MACF1: variants seen among roughly 807,000 people sequenced by gnomAD.
MACF1 encodes microtubule-actin cross-linking factor 1.
Under a neutral mutation model 854.8 loss-of-function variants are expected in MACF1, and 193 were observed. The ratio of observed to expected loss-of-function variants is 0.23; its 90% confidence interval spans 0.20 to 0.25. MACF1 has a LOEUF of 0.25. Among genes scored for constraint, MACF1 ranks in the 10% least tolerant of loss-of-function variants. The probability of loss-of-function intolerance (pLI) is 1.00; values close to 1 mark genes in which losing one functional copy is unlikely to be tolerated. For synonymous variants in MACF1, 3,185 were observed against 3,226.7 expected, an observed-to-expected ratio of 0.99 and a Z score of 0.44; for missense variants, 7,722 against 8,929.1, an observed-to-expected ratio of 0.86 and a Z score of 5.45.
chr1:39,442,156 G>A lies in MACF1; in HGVS notation c.18784G>A (p.Val6262Ile). The A allele has an allele frequency of 6.3e-7, 1 of 1,591,134 alleles. No homozygotes were observed. The highest frequency in any genetic ancestry group is 8.5e-7 in the Non-Finnish European group (1 of 1,171,694). Residue 6262 changes from valine (V) to isoleucine (I), a missense_variant, in exon 76 of 101, where the codon GTA (valine) becomes ATA (isoleucine). By Grantham distance (29) the Val-to-Ile change is conservative. Around this residue, in one of 15 missense-constraint regions of MACF1, gnomAD observed 2,807 missense variants for 3,235.8 expected, o/e 0.87. Transcript: ENST00000564288. Reference protein sequence around the residue: ...DQLNEMKEFKVEVYQQQIEME... With the variant: ...DQLNEMKEFKIEVYQQQIEME... ...AGTGTGTCTTTGACAGGAGTTCAAA[G>A]TAGAAGTTTACCAACAGCAAATTGA...
At chr1:39,393,190 A>ATATAT (rs1427429683) in intron 58 of MACF1, among the ~76,000 whole-genome samples, 17 of 86,658 alleles carry the variant, frequency 2.0e-4, no homozygotes, top group African/African-American at 1.0e-3. Context: ...GTAAAAAAAA[A>ATATAT]AAAAAAATAT....
chr1:39,331,039 T>A, intron 36 of MACF1, 164 bp from the exon 37 acceptor site: 1 of 992,284 alleles, frequency 1.0e-6, no homozygotes, highest in Non-Finnish European at 1.4e-6. Context: ...GACCTCATGA[T>A]TTGCCTGCCT....
At chr1:39,447,299 C>A in intron 80 of MACF1, 133 bp from the exon 81 acceptor site, 1 of 783,332 alleles carries the variant, frequency 1.3e-6, no homozygotes, top group Non-Finnish European at 2.1e-6. Context: ...CATGTTTGGA[C>A]GTTGATTAAA....
chr1:39,331,936 G>C lies in MACF1; in HGVS notation c.5348G>C (p.Arg1783Thr). The C allele has an allele frequency of 5.6e-6, 9 of 1,614,148 alleles. No individual in the cohort carries two copies. Among genetic ancestry groups the C allele is most frequent in the Non-Finnish European group, 7.6e-6 (9 of 1,180,022 alleles). The change falls in exon 37 of 101, where the codon AGA becomes ACA. Residue 1783 changes from arginine to threonine, a missense_variant. By Grantham distance (71) the Arg-to-Thr change is moderately conservative. This residue lies in a region of MACF1 where 1,531 missense variants were observed against 1,601.6 expected (regional missense o/e 0.96). Transcript: ENST00000564288. ...ATAGTAGATCCAAGAACAGGACACAGACTTACAGTGGAAGAGGCTGTAAGA... is the reference window on the plus strand; with the variant it reads ...ATAGTAGATCCAAGAACAGGACACACACTTACAGTGGAAGAGGCTGTAAGA... ...GGIVDPRTGH[R>T]LTVEEAVRHN...
chr1:39,367,669 C>G (rs1648846356), intron 49 of MACF1, among the ~76,000 whole-genome samples: 1 of 152,146 alleles, frequency 6.6e-6, no homozygotes, highest in Admixed American at 6.6e-5. Context: ...AACTTTCATT[C>G]TTTACGTCCT....
chr1:39,226,650 A>G (rs997048151), intron 1 of MACF1, among the ~76,000 whole-genome samples: 3 of 152,020 alleles, frequency 2.0e-5, no homozygotes, highest in Non-Finnish European at 4.4e-5. Flanking sequence ...ATGGATAGTA[A>G]AATTAAAAAG....
intron 1 of MACF1, among the ~76,000 whole-genome samples, chr1:39,218,610 C>G (rs1644607633): frequency 6.6e-6 from 1 of 152,144 alleles, no homozygotes; most frequent in Non-Finnish European, 1.5e-5. Flanking sequence ...TTTTCTTCCT[C>G]TTGTGTTCTT....
intron 17 of MACF1, among the ~76,000 whole-genome samples, chr1:39,293,122 A>G (rs543502087): frequency 5.3e-5 from 8 of 152,218 alleles, no homozygotes; most frequent in Non-Finnish European, 1.2e-4. Flanking sequence ...TGAGACACCA[A>G]AACTAAAAGT....
At chr1:39,346,571 G>A (rs150690098) in intron 40 of MACF1, among the ~76,000 whole-genome samples, 2,599 of 149,692 alleles carry the variant, frequency 0.017, 73 homozygotes, top group African/African-American at 0.058. Flanking sequence ...CCAGGCTGGA[G>A]TGCAGTAGTG....
chr1:39,260,367 C>CTT (rs772459109), intron 6 of MACF1: 4 of 139,890 alleles, frequency 2.9e-5, no homozygotes, highest in East Asian at 2.0e-4. Flanking sequence ...TTTTTCTTTT[C>CTT]TTTTTTTTTT....
chr1:39,432,123 TC>T (rs1174513357), intron 66 of MACF1, among the ~76,000 whole-genome samples: 1 of 152,204 alleles, frequency 6.6e-6, no homozygotes, highest in African/African-American at 2.4e-5. Context: ...AGCGGGCACT[TC>T]CGAGTTAACT....
intron 84 of MACF1, among the ~76,000 whole-genome samples, chr1:39,449,697 A>ATTTTTTTT (rs4012670): frequency 2.3e-5 from 3 of 129,778 alleles, no homozygotes; most frequent in Non-Finnish European, 3.2e-5. Context: ...CGCGCCTGGC[A>ATTTTTTTT]TTTTTTTTTT....
chr1:39,221,691 T>TA (rs1644653769), intron 1 of MACF1, among the ~76,000 whole-genome samples: 1 of 152,252 alleles, frequency 6.6e-6, no homozygotes, highest in Admixed American at 6.5e-5. Context: ...AAGGCTATTG[T>TA]TTCTACCTCT....
At chr1:39,198,912 A>G (rs1007276230) in intron 2 of MACF1, among the ~76,000 whole-genome samples, 5 of 152,188 alleles carry the variant, frequency 3.3e-5, no homozygotes, top group Admixed American at 2.6e-4. Context: ...GAACTATTAT[A>G]TAAATAAGTC....
At position 39,333,519 on chromosome 1, in the gene MACF1, G is replaced by T; in HGVS notation, c.6931G>T (p.Ala2311Ser). The part of the protein sequence containing the change: ...QTGQKLLLNE[A>S]ISRGIVPSHT... Reference sequence around the variant, plus strand: ...AGGTCAAAAGCTCTTACTAAATGAAGCAATATCCCGAGGCATTGTGCCAAG... The same window carrying T: ...AGGTCAAAAGCTCTTACTAAATGAATCAATATCCCGAGGCATTGTGCCAAG... Residue 2311 changes from alanine (A) to serine (S), a missense_variant, in exon 37 of 101, where the codon GCA becomes TCA. Physicochemically the swap from Ala to Ser is moderately conservative, Grantham distance 99 (BLOSUM62 1). This residue lies in a region of MACF1 where 1,531 missense variants were observed against 1,601.6 expected (regional missense o/e 0.96). Transcript: ENST00000564288. 1 of 1,614,166 alleles carries T rather than the reference G, an allele frequency of 6.2e-7. No individual in the cohort carries two copies. Among genetic ancestry groups the T allele is most frequent in the Non-Finnish European group, 8.5e-7 (1 of 1,180,012 alleles).
intron 2 of MACF1, among the ~76,000 whole-genome samples, chr1:39,187,381 C>T (rs762584326): frequency 1.3e-5 from 2 of 152,266 alleles, no homozygotes; most frequent in Middle Eastern, 3.4e-3. Flanking sequence ...GAGACATCCC[C>T]CAGGAGCTTT....
intron 2 of MACF1, among the ~76,000 whole-genome samples, chr1:39,114,435 A>ATTTT (rs1201203140): frequency 6.6e-6 from 1 of 152,126 alleles, no homozygotes; most frequent in African/African-American, 2.4e-5. Context: ...AAGTCCCTAG[A>ATTTT]TTAAAAGAGC....
rs138450442 is a variant in MACF1 at position 39,434,558 on chromosome 1, C to T, written c.17710C>T (p.Arg5904Trp). Residue 5904 changes from arginine (R) to tryptophan (W), a missense_variant, in exon 69 of 101, where the codon CGG (arginine) becomes TGG (tryptophan). Arg to Trp is a moderately radical substitution (Grantham distance 101, BLOSUM62 -3). Transcript: ENST00000564288. ...GCTCAGCCCCTGGATTGAGGAAACT[C>T]GGGCACTAATAGCACAGTTACCCTC... Reference protein sequence around the residue: ...EELSPWIEETRALIAQLPSPA... With the variant: ...EELSPWIEETWALIAQLPSPA... 2.5e-3 allele frequency: 4,052 copies of T among 1,614,044 alleles called. 50 individuals are homozygous for T. In the African/African-American group the frequency reaches 0.034, roughly 14 times the overall value.
In MACF1 at chr1:39,441,257, T is replaced by C. The variant is rs1644110370; in HGVS notation, c.18604T>C (p.Trp6202Arg). ...TGCTTGGGAGAACTTAAACAAAACA[T>C]GGAAAGAGAGGCTAGAAAAACTTGA... ...NNAWENLNKTWKERLEKLEDA... is the reference protein window; with the variant it reads ...NNAWENLNKTRKERLEKLEDA... The change falls in exon 74 of 101, where the codon TGG becomes CGG. Residue 6202 changes from tryptophan to arginine, a missense_variant. By Grantham distance (101) the Trp-to-Arg change is moderately radical. Coordinates refer to ENST00000564288, the MANE Select transcript of MACF1 (RefSeq NM_001394062.1). 6.2e-7 allele frequency: 1 copy of C among 1,614,146 alleles called. No individual in the cohort carries two copies. Among genetic ancestry groups the C allele is most frequent in the Non-Finnish European group, 8.5e-7 (1 of 1,180,008 alleles).
Sources: allele counts gnomAD v4.1 joint callset (sites outside exome capture counted in the v4.1 genomes callset), GRCh38; gene constraint gnomAD v4.1.1; regional missense constraint gnomAD v4.1.1; transcripts MANE v1.5; gene names NCBI Gene and HGNC (gene_info 2026-07-23, HGNC 2026-07-21).